Variants in PMM1 observed in about 807,000 individuals in gnomAD.
PMM1 encodes the protein brain glucose-1,6-bisphosphatase.
A neutral mutation model predicts 34.0 loss-of-function variants in PMM1; 25 were observed. The observed-to-expected ratio is 0.73, with a 90% CI of 0.54 to 1.03. PMM1 has a LOEUF of 1.03. Among genes scored for constraint, PMM1 ranks in the 50% least tolerant of loss-of-function variants. The pLI, the probability that PMM1 is intolerant of heterozygous loss-of-function variation, is 0.00. For synonymous variants in PMM1, 134 were observed against 143.9 expected, an observed-to-expected ratio of 0.93 and a Z score of 0.49; for missense variants, 321 against 350.1, an observed-to-expected ratio of 0.92 and a Z score of 0.66.
chr22:41,584,017 G>A lies in PMM1; in HGVS notation c.416C>T (p.Ser139Leu). Residue 139 changes from serine (S) to leucine (L), a missense_variant, in exon 5 of 8, where the codon TCG (serine) becomes TTG (leucine). Physicochemically the swap from Ser to Leu is moderately radical, Grantham distance 145. Coordinates refer to ENST00000216259, the MANE Select transcript of PMM1 (RefSeq NM_002676.3). Reference sequence around the variant, plus strand: ...CAGGGTGCAGCTCCGGCCGATGGGCGAGATGTTCAGCATGCCATTCCGGAA... The same window carrying A: ...CAGGGTGCAGCTCCGGCCGATGGGCAAGATGTTCAGCATGCCATTCCGGAA... ...IEFRNGMLNISPIGRSCTLEE... is the reference protein window; with the variant it reads ...IEFRNGMLNILPIGRSCTLEE... The A allele has an allele frequency of 6.2e-6, 10 of 1,613,992 alleles. No homozygotes were observed. The highest frequency in any genetic ancestry group is 8.5e-6 in the Non-Finnish European group (10 of 1,179,888).
At chr22:41,577,712 G>T in intron 7 of PMM1, 96 bp downstream of exon 7, 1 of 920,904 alleles carries the variant, frequency 1.1e-6, no homozygotes, top group Non-Finnish European at 1.7e-6. Context: ...CCCATGTTCT[G>T]GCCTTGACCT....
At chr22:41,589,254 G>A (rs1041453133) in intron 1 of PMM1, 22 of 531,410 alleles carry the variant, frequency 4.1e-5, no homozygotes, top group African/African-American at 3.9e-4. Context: ...ACTCCGAGAC[G>A]CCCTGTCTCC....
chr22:41,578,622 G>A (rs752973440), intron 6 of PMM1, among the ~76,000 whole-genome samples, 184 bp downstream of exon 6: 1 of 152,108 alleles, frequency 6.6e-6, no homozygotes, highest in Non-Finnish European at 1.5e-5. Flanking sequence ...GTATGAGGTG[G>A]GGAAAACTGG....
In PMM1 at chr22:41,584,048, T is replaced by C. The variant is rs756271118; in HGVS notation, c.385A>G (p.Ile129Val). 2.6e-5 allele frequency: 42 copies of C among 1,613,172 alleles called. No individual in the cohort carries two copies. The highest frequency in any genetic ancestry group is 2.9e-5 in the Non-Finnish European group (34 of 1,179,296). ...TTCAGCATGCCATTCCGGAACTCGATGAAGGTTCCACTGGTGGTGAGGGAG... is the reference window on the plus strand; with the variant it reads ...TTCAGCATGCCATTCCGGAACTCGACGAAGGTTCCACTGGTGGTGAGGGAG... ...LRLPKKRGTF[I>V]EFRNGMLNIS... Residue 129 changes from isoleucine (I) to valine (V), a missense_variant, in exon 5 of 8, where the codon ATC (isoleucine) becomes GTC (valine). Ile to Val is a conservative substitution (Grantham distance 29). Coordinates refer to ENST00000216259, the MANE Select transcript of PMM1 (RefSeq NM_002676.3).
At chr22:41,587,416 G>T (rs1003547028) in intron 1 of PMM1, among the ~76,000 whole-genome samples, 1 of 150,122 alleles carries the variant, frequency 6.7e-6, no homozygotes, top group East Asian at 2.0e-4. Context: ...CTCCAGCCTG[G>T]GGGACAAGAA....
At chr22:41,584,470 G>T (rs1192267697) in intron 3 of PMM1, 57 bp downstream of exon 3, 1 of 1,574,708 alleles carries the variant, frequency 6.4e-7, no homozygotes, top group South Asian at 1.1e-5. Flanking sequence ...AGCCCCCTTG[G>T]ACTGCTCCAC....
At chr22:41,584,178 G>A (rs77158456) in intron 4 of PMM1, 103 bp downstream of exon 4, 11 of 1,309,224 alleles carry the variant, frequency 8.4e-6, no homozygotes, top group Admixed American at 3.5e-5. Context: ...CACACTCCCC[G>A]CAAAAAATCA....
chr22:41,577,891 C>T lies in PMM1; in HGVS notation c.583G>A (p.Gly195Ser). The T allele has an allele frequency of 6.2e-7, 1 of 1,613,438 alleles. No individual in the cohort carries two copies. Among genetic ancestry groups the T allele is most frequent in the South Asian group, 1.1e-5 (1 of 91,084 alleles). The change falls in exon 7 of 8, where the codon GGC (glycine) becomes AGC (serine). Residue 195 changes from glycine (G) to serine (S), a missense_variant. Coordinates refer to ENST00000216259, the MANE Select transcript of PMM1 (RefSeq NM_002676.3). The stretch of plus-strand genomic sequence containing the variant: ...TCCAGGCAGTAGCGCTTGTCCCAGC[C>T]CTCGGGGAAGACGTCAAAGCTGATC... ...GMISFDVFPEGWDKRYCLDSL... is the reference protein window; with the variant it reads ...GMISFDVFPESWDKRYCLDSL...
rs766611904 is a variant in PMM1 at position 41,584,548 on chromosome 22, G to A, written c.261C>T (p.His87=). The change falls in exon 3 of 8, where the codon CAC becomes CAT. Residue 87 remains histidine, a synonymous_variant. Coordinates refer to ENST00000216259, the MANE Select transcript of PMM1 (RefSeq NM_002676.3). The part of the protein sequence containing the change: ...FAENGTVQYK[H]GRLLSKQTIQ... ...TGACCTGCTTGGAGAGCAGTCGTCC[G>A]TGCTTATACTGCACCGTCCCGTTCT... The A allele has an allele frequency of 1.4e-5, 22 of 1,613,700 alleles. No homozygotes were observed. The highest frequency in any genetic ancestry group is 4.5e-5 in the East Asian group (2 of 44,892).
At chr22:41,577,644 C>T (rs1043486327) in intron 7 of PMM1, 164 bp downstream of exon 7, 7 of 757,170 alleles carry the variant, frequency 9.2e-6, no homozygotes, top group East Asian at 2.7e-5. Context: ...ATCTGTGTAA[C>T]GGGGCTGGTG....
chr22:41,587,937 A>C (rs1209216269), intron 1 of PMM1, among the ~76,000 whole-genome samples: 1 of 152,256 alleles, frequency 6.6e-6, no homozygotes, highest in African/African-American at 2.4e-5. Context: ...GCTGGCCCGT[A>C]GACAAATTAA....
intron 5 of PMM1, among the ~76,000 whole-genome samples, chr22:41,583,674 A>G (rs2067271560): frequency 6.6e-6 from 1 of 152,044 alleles, no homozygotes; most frequent in African/African-American, 2.4e-5. Flanking sequence ...GGCTGATGAA[A>G]TAAGAGTTGT....
intron 2 of PMM1, chr22:41,584,914 A>G: frequency 3.2e-6 from 1 of 310,740 alleles, no homozygotes; most frequent in Non-Finnish European, 6.0e-6. Flanking sequence ...GAAGCCATGC[A>G]GTACTCTCTG....
intron 1 of PMM1, chr22:41,588,599 C>A (rs747148576): frequency 1.1e-4 from 105 of 947,886 alleles, no homozygotes; most frequent in Non-Finnish European, 1.3e-4. Context: ...AGGTGATCTG[C>A]CCACCATGGC....
At chr22:41,581,324 GA>G (rs78572304) in intron 5 of PMM1, among the ~76,000 whole-genome samples, 2,634 of 138,496 alleles carry the variant, frequency 0.019, 78 homozygotes, top group African/African-American at 0.062. Flanking sequence ...ACTCTATCAA[GA>G]AAAAAAAAAA....
intron 5 of PMM1, among the ~76,000 whole-genome samples, chr22:41,581,667 AAC>A (rs1345031824): frequency 2.0e-5 from 3 of 151,890 alleles, no homozygotes; most frequent in Non-Finnish European, 4.4e-5. Flanking sequence ...CAGCCTGGGC[AAC>A]ACGGTGAAAC....
Position 41,589,782 on chromosome 22 carries a change from G to C in PMM1, c.24C>G (p.Ala8=), listed in dbSNP as rs2067359096. The part of the protein sequence containing the change: MAVTAQA[A]RRKERVLCLF... ...GGCAGAGGACGCGCTCCTTCCTGCG[G>C]GCTGCCTGGGCGGTGACTGCCATGG... Residue 8 remains alanine, a synonymous_variant, in exon 1 of 8, where the codon GCC becomes GCG. Coordinates refer to ENST00000216259, the MANE Select transcript of PMM1 (RefSeq NM_002676.3). 1.9e-6 allele frequency: 3 copies of C among 1,609,272 alleles called. No individual in the cohort carries two copies. Among genetic ancestry groups the C allele is most frequent in the Non-Finnish European group, 2.5e-6 (3 of 1,178,678 alleles).
intron 1 of PMM1, among the ~76,000 whole-genome samples, chr22:41,588,211 C>T (rs1244179474): frequency 6.6e-6 from 1 of 151,816 alleles, no homozygotes; most frequent in Non-Finnish European, 1.5e-5. Context: ...ACACCACGCC[C>T]ATCTACTTTT....
chr22:41,589,795 G>A lies in PMM1; in HGVS notation c.11C>T (p.Thr4Ile), dbSNP rs1219484775. Reference sequence around the variant, plus strand: ...CTCCTTCCTGCGGGCTGCCTGGGCGGTGACTGCCATGGCTGCAGGTCCGCG... The same window carrying A: ...CTCCTTCCTGCGGGCTGCCTGGGCGATGACTGCCATGGCTGCAGGTCCGCG... The part of the protein sequence containing the change: MAV[T>I]AQAARRKERV... Residue 4 changes from threonine to isoleucine, a missense_variant, in exon 1 of 8, where the codon ACC becomes ATC. Physicochemically the swap from Thr to Ile is moderately conservative, Grantham distance 89 (BLOSUM62 -1). Transcript: ENST00000216259. 8 of 1,607,396 alleles carry A rather than the reference G, an allele frequency of 5.0e-6. No individual in the cohort carries two copies. Among genetic ancestry groups the A allele is most frequent in the Non-Finnish European group, 6.8e-6 (8 of 1,177,918 alleles).
Sources: gnomAD v4.1 joint callset for allele counts (sites outside exome capture counted in the v4.1 genomes callset) on GRCh38, gnomAD v4.1.1 for gene constraint, MANE v1.5 for transcripts, NCBI Gene and HGNC (gene_info 2026-07-23, HGNC 2026-07-21) for gene names.